Variants in CNNM4 observed in about 807,000 individuals in gnomAD.
CNNM4 encodes metal transporter CNNM4.
Under a neutral mutation model 53.7 loss-of-function variants are expected in CNNM4, and 32 were observed. The ratio of observed to expected loss-of-function variants is 0.60; its 90% CI spans 0.45 to 0.80. The LOEUF (loss-of-function observed/expected upper bound fraction) is 0.80, where lower values mean the gene tolerates loss of function less well. Ranked by LOEUF, CNNM4 falls within the 30% of genes least tolerant of loss-of-function variation. CNNM4 has a pLI of 0.00. For synonymous variants in CNNM4, 410 were observed against 440.0 expected, an observed-to-expected ratio of 0.93 and a Z score of 0.85; for missense variants, 784 against 1,022.0, an observed-to-expected ratio of 0.77 and a Z score of 3.17.
chr2:96,789,880 A>G (rs1397740857), intron 1 of CNNM4, among the ~76,000 whole-genome samples: 2 of 146,982 alleles, frequency 1.4e-5, no homozygotes, highest in African/African-American at 2.5e-5. Context: ...TTTAGTAGAG[A>G]CGGTGTTTCA....
intron 1 of CNNM4, among the ~76,000 whole-genome samples, chr2:96,779,934 C>A (rs2078959219): frequency 6.6e-6 from 1 of 151,884 alleles, no homozygotes; most frequent in African/African-American, 2.4e-5. Flanking sequence ...TCCTGAGTAG[C>A]TGGGGCTACA....
chr2:96,809,269 G>A lies in CNNM4; in HGVS notation c.2131-51G>A, dbSNP rs775739262. The A allele has an allele frequency of 4.4e-6, 7 of 1,608,860 alleles. No individual in the cohort carries two copies. The Admixed American group carries it at 5.1e-5, about 12-fold the overall frequency. ...CCCTGTTTCTCCAGGCCTGGTGATA[G>A]GGTCTGCCTCCCAGCCCCTCCCTCC... On this transcript the variant is annotated intron_variant, in intron 6 of 6. Coordinates refer to ENST00000377075, the MANE Select transcript of CNNM4 (RefSeq NM_020184.4).
At chr2:96,778,837 T>C (rs77468908) in intron 1 of CNNM4, among the ~76,000 whole-genome samples, 3,267 of 152,304 alleles carry the variant, frequency 0.021, 121 homozygotes, top group African/African-American at 0.073. Flanking sequence ...AGCTTTTTTA[T>C]TTTAAGCATT....
rs1214088352 is a variant in CNNM4 at position 96,805,436 on chromosome 2, T to A, written c.1949-3125T>A. On this transcript the variant is annotated intron_variant, in intron 5 of 6. Transcript: ENST00000377075. ...CTTTTCAGTTTTTTTTTTTTTTTTTTTTTATTATTTTTTTTTAAATTTATT... is the reference window on the plus strand; with the variant it reads ...CTTTTCAGTTTTTTTTTTTTTTTTTATTTATTATTTTTTTTTAAATTTATT... Among the ~76,000 whole-genome samples the A allele has an allele frequency of 2.1e-3, 303 of 141,218 alleles. 3 individuals carry two copies. The highest frequency in any genetic ancestry group is 7.5e-3 in the African/African-American group (256 of 34,336). The allele number at this position is 141,218 out of a possible 152,430, so 92.6% of individuals were successfully genotyped here. A position where few individuals can be genotyped will look rare whatever the true frequency, so the allele number is the denominator to read the frequency against.
rs2079131809 is a variant in CNNM4 at position 96,798,947 on chromosome 2, T to G, written c.1682-110T>G. The G allele has an allele frequency of 2.8e-6, 3 of 1,090,026 alleles. No homozygotes were observed. The East Asian group carries it at 7.1e-5, about 26-fold the overall frequency. The allele number at this position is 1,090,026 out of a possible 1,614,324, so 67.5% of individuals were successfully genotyped here. On this transcript the variant is annotated intron_variant, in intron 3 of 6. Coordinates refer to ENST00000377075, the MANE Select transcript of CNNM4 (RefSeq NM_020184.4). ...GAGGGCCGGCCGAGCAGGGCGGGAGTCGTCTGAGCACAGCGTGGCTGCTGT... is the reference window on the plus strand; with the variant it reads ...GAGGGCCGGCCGAGCAGGGCGGGAGGCGTCTGAGCACAGCGTGGCTGCTGT...
chr2:96,811,706 T>C lies in CNNM4; in HGVS notation c.*2189T>C, dbSNP rs1194436928. 6.6e-6 allele frequency: 1 copy of C among 152,652 alleles called. No individual in the cohort carries two copies. The allele number at this position is 152,652 out of a possible 1,614,324, so 9.5% of individuals were successfully genotyped here. On this transcript the variant is annotated 3_prime_UTR_variant, in exon 7 of 7. Coordinates refer to ENST00000377075, the MANE Select transcript of CNNM4 (RefSeq NM_020184.4). ...TGACAGCCGCCGTATTTATTTTGCATAATATTTTAATTTGTATATTTTTGT... is the reference window on the plus strand; with the variant it reads ...TGACAGCCGCCGTATTTATTTTGCACAATATTTTAATTTGTATATTTTTGT...
chr2:96,764,797 C>T (rs1287372791), intron 1 of CNNM4, among the ~76,000 whole-genome samples: 3 of 152,212 alleles, frequency 2.0e-5, no homozygotes, highest in African/African-American at 2.4e-5. Context: ...ACCATCCTGG[C>T]TAACATGGTG....
At position 96,795,544 on chromosome 2, in the gene CNNM4, C is replaced by T. The variant is rs985527690; in HGVS notation, c.1403-1468C>T. ...AGAATTTTTACTTTAGTCATGAGACCTCACATTCTCTCTGCTCTCCCTAAG... is the reference window on the plus strand; with the variant it reads ...AGAATTTTTACTTTAGTCATGAGACTTCACATTCTCTCTGCTCTCCCTAAG... On this transcript the variant is annotated intron_variant, in intron 1 of 6. Transcript: ENST00000377075. 2.6e-5 allele frequency among the ~76,000 whole-genome samples: 4 copies of T among 152,062 alleles called. No individual in the cohort carries two copies. The South Asian group carries it at 8.3e-4, about 32-fold the overall frequency.
rs563500391 is a variant in CNNM4, at chr2:96,766,659, T to C, written c.1402+4258T>C. 2.5e-4 allele frequency among the ~76,000 whole-genome samples: 38 copies of C among 152,332 alleles called. 2 individuals carry two copies. The highest frequency in any genetic ancestry group is 9.1e-4 in the African/African-American group (38 of 41,576). On this transcript the variant is annotated intron_variant, in intron 1 of 6. Transcript: ENST00000377075. The stretch of plus-strand genomic sequence containing the variant: ...GATTTACTGTGTTGTCTACTGTCTG[T>C]CTCCTCCCACTGGCATATAAGTTTC...
rs2079119159 is a variant in CNNM4, at chr2:96,797,876, A to T, written c.1681+229A>T. Among the ~76,000 whole-genome samples, 1 of 152,188 alleles carries T rather than the reference A, an allele frequency of 6.6e-6. No individual in the cohort carries two copies. On this transcript the variant is annotated intron_variant, in intron 3 of 6. Coordinates refer to ENST00000377075, the MANE Select transcript of CNNM4 (RefSeq NM_020184.4). The surrounding 1 kb of genome is among the most constrained non-coding windows in gnomAD (Gnocchi z 6.0). ...ACTGCAAACTTCTAGGAAGCATCCAAGTTACTATATTTAATAGTTTGGGAA... is the reference window on the plus strand; with the variant it reads ...ACTGCAAACTTCTAGGAAGCATCCATGTTACTATATTTAATAGTTTGGGAA...
In CNNM4 at chr2:96,801,704, G is replaced by A. The variant is rs560927911; in HGVS notation, c.1948+2056G>A. Among the ~76,000 whole-genome samples the A allele has an allele frequency of 1.3e-4, 16 of 118,628 alleles. No individual in the cohort carries two copies. Among genetic ancestry groups the A allele is most frequent in the African/African-American group, 4.8e-4 (14 of 28,980 alleles). 77.8% of individuals were successfully genotyped at this position (118,628 alleles called of 152,430 possible). A position where few individuals can be genotyped will look rare whatever the true frequency, so the allele number is the denominator to read the frequency against. ...CCACACGCAGAGAGACCACACACAC[G>A]CAGAGAGACCACACACATGCAGAGA... On this transcript the variant is annotated intron_variant, in intron 5 of 6. Transcript: ENST00000377075. This position sits in a 1 kb window ranked among gnomAD's most constrained non-coding sequence, Gnocchi z 5.6.
intron 1 of CNNM4, among the ~76,000 whole-genome samples, chr2:96,774,960 CAAAAAAAAAAAAAAAAAAAAAAA>C (rs56997097): frequency 0.012 from 214 of 17,688 alleles, 2 homozygotes; most frequent in Non-Finnish European, 0.02. Flanking sequence ...GACTCCATCT[CAAAAAAAAAAAAAAAAAAAAAAA>C]AAAAAAAAAA....
At chr2:96,766,579 C>T (rs2078821266) in intron 1 of CNNM4, among the ~76,000 whole-genome samples, 1 of 152,124 alleles carries the variant, frequency 6.6e-6, no homozygotes, top group African/African-American at 2.4e-5. Context: ...TGCCCTGTGC[C>T]GATTTCTTCT....
At chr2:96,769,811 CG>C (rs966320106) in intron 1 of CNNM4, among the ~76,000 whole-genome samples, 2 of 152,134 alleles carry the variant, frequency 1.3e-5, no homozygotes, top group Admixed American at 6.5e-5. Context: ...AGCTTTGCAC[CG>C]GTTCTCCGTC....
chr2:96,802,800 A>G (rs1016350185), intron 5 of CNNM4, among the ~76,000 whole-genome samples: 6 of 152,188 alleles, frequency 3.9e-5, no homozygotes, highest in African/African-American at 1.4e-4. Flanking sequence ...TGGATGTGTC[A>G]TGCTCCTGAT....
intron 1 of CNNM4, among the ~76,000 whole-genome samples, chr2:96,768,549 G>A (rs924893281): frequency 4.0e-5 from 6 of 151,866 alleles, no homozygotes; most frequent in Admixed American, 2.0e-4. Context: ...GTCAGGGCCC[G>A]GAAGTAGTTG....
chr2:96,798,336 G>A (rs1229695954), intron 3 of CNNM4: 1 of 165,286 alleles, frequency 6.1e-6, no homozygotes, highest in Non-Finnish European at 1.3e-5. Flanking sequence ...CCCTTCTGCA[G>A]GCCTGCTGGG....
intron 1 of CNNM4, among the ~76,000 whole-genome samples, chr2:96,794,387 A>T (rs1231086660): frequency 6.6e-6 from 1 of 151,874 alleles, no homozygotes; most frequent in Non-Finnish European, 1.5e-5. Context: ...AAAGGTGACC[A>T]CTCTTACTAC....
At chr2:96,802,976 C>T (rs1376145435) in intron 5 of CNNM4, among the ~76,000 whole-genome samples, 1 of 152,158 alleles carries the variant, frequency 6.6e-6, no homozygotes, top group African/African-American at 2.4e-5. Context: ...CTCCTCACAC[C>T]CCAACTGCCC....
Sources: allele counts gnomAD v4.1 joint callset (sites outside exome capture counted in the v4.1 genomes callset), GRCh38; gene constraint gnomAD v4.1.1; non-coding constraint Gnocchi (gnomAD v3.1); transcripts MANE v1.5; gene names NCBI Gene and HGNC (gene_info 2026-07-23, HGNC 2026-07-21).